LRRC9: variants seen among roughly 807,000 people sequenced by gnomAD.
LRRC9 encodes leucine-rich repeat-containing protein 9.
A neutral mutation model predicts 63.2 loss-of-function variants in LRRC9; 122 were observed. The ratio of observed to expected loss-of-function variants is 1.93; its 90% CI spans 1.67 to 2.24. The LOEUF is 2.24. Ranked by LOEUF, LRRC9 falls within the 30% of genes most tolerant of loss-of-function variation. The pLI is 0.00. For missense variants in LRRC9, 1,071 were observed against 627.7 expected (o/e 1.71, Z -7.55); for synonymous variants, 366 against 213.1 (o/e 1.72, Z -6.25).
intron 28 of LRRC9, among the ~76,000 whole-genome samples, chr14:60,030,839 A>T (rs1349088072): frequency 2.0e-5 from 3 of 152,074 alleles, no homozygotes; most frequent in Non-Finnish European, 4.4e-5. Flanking sequence ...GTAAAAAAAA[A>T]TGCTGCATAT....
At chr14:59,946,416 A>T (rs1037615171) in intron 8 of LRRC9, among the ~76,000 whole-genome samples, 1 of 151,436 alleles carries the variant, frequency 6.6e-6, no homozygotes, top group Non-Finnish European at 1.5e-5. Context: ...ATTAAGTAAA[A>T]TCTGCAAATG....
intron 30 of LRRC9, among the ~76,000 whole-genome samples, chr14:60,056,653 A>AT (rs879896592): frequency 2.0e-5 from 3 of 152,110 alleles, no homozygotes; most frequent in Non-Finnish European, 4.4e-5. Flanking sequence ...ATTAAATATT[A>AT]TTTTTTATCT....
At chr14:59,978,925 C>T (rs1374889671) in intron 15 of LRRC9, among the ~76,000 whole-genome samples, 1 of 152,074 alleles carries the variant, frequency 6.6e-6, no homozygotes, top group African/African-American at 2.4e-5. Context: ...TTACATTTGC[C>T]AACACAAGAT....
intron 12 of LRRC9, among the ~76,000 whole-genome samples, chr14:59,971,005 C>T (rs1174573800): frequency 8.5e-5 from 13 of 152,076 alleles, no homozygotes; most frequent in African/African-American, 2.7e-4. Context: ...CCCATTCCTA[C>T]GTCCAGAATG....
At chr14:59,934,723 C>T (rs1889991037) in intron 6 of LRRC9, among the ~76,000 whole-genome samples, 1 of 152,138 alleles carries the variant, frequency 6.6e-6, no homozygotes, top group Non-Finnish European at 1.5e-5. Flanking sequence ...AGATACTACA[C>T]TAAATCTTTA....
intron 17 of LRRC9, among the ~76,000 whole-genome samples, chr14:59,993,099 C>T (rs1168081960): frequency 2.0e-5 from 3 of 152,220 alleles, no homozygotes; most frequent in African/African-American, 7.2e-5. Flanking sequence ...ATCAGACTAA[C>T]AGCTGATCTC....
chr14:60,010,422 A>G (rs1441742374), intron 23 of LRRC9, among the ~76,000 whole-genome samples: 3 of 150,966 alleles, frequency 2.0e-5, no homozygotes, highest in Non-Finnish European at 4.4e-5. Flanking sequence ...CCAAGTCCCT[A>G]GGCTGCATAA....
intron 18 of LRRC9, 92 bp downstream of exon 18, chr14:59,997,939 G>A (rs1345898763): frequency 1.6e-5 from 9 of 564,206 alleles, no homozygotes; most frequent in South Asian, 9.8e-5. Flanking sequence ...GCCAGAGATA[G>A]GCAAAGTATC....
chr14:60,007,090 G>A (rs1252474219), intron 22 of LRRC9, among the ~76,000 whole-genome samples: 2 of 152,172 alleles, frequency 1.3e-5, no homozygotes, highest in Non-Finnish European at 1.5e-5. Context: ...AATGTCATGT[G>A]TGACTTCATT....
At chr14:59,933,921 CA>C (rs1889915638) in intron 6 of LRRC9, among the ~76,000 whole-genome samples, 1 of 151,972 alleles carries the variant, frequency 6.6e-6, no homozygotes, top group Non-Finnish European at 1.5e-5. Context: ...CTAGAAAGGT[CA>C]ATTGGGTCTC....
intron 13 of LRRC9, among the ~76,000 whole-genome samples, chr14:59,976,968 C>T (rs1198632417): frequency 6.6e-6 from 1 of 152,158 alleles, no homozygotes; most frequent in Admixed American, 6.5e-5. Flanking sequence ...CTTTCCTTCT[C>T]CCTCTTCTGT....
At chr14:59,993,389 A>C (rs142365648) in intron 17 of LRRC9, among the ~76,000 whole-genome samples, 3,149 of 152,326 alleles carry the variant, frequency 0.021, 136 homozygotes, top group African/African-American at 0.073. Context: ...CGAGGCTAGG[A>C]AGAAACTGCA....
chr14:59,942,367 A>G lies in LRRC9; in HGVS notation c.727-2222A>G, dbSNP rs1881869551. Among the ~76,000 whole-genome samples the G allele has an allele frequency of 6.6e-6, 1 of 152,172 alleles. No homozygotes were observed. The highest frequency in any genetic ancestry group is 2.1e-4 in the South Asian group (1 of 4,826). ...TGTTTTGGATAAATACCCAGGAGTG[A>G]GATTGCTGAATCCTATGGAAGTTCT... On this transcript the variant is annotated intron_variant, in intron 7 of 31. Transcript: ENST00000445360. This position sits in a 1 kb window ranked among gnomAD's most constrained non-coding sequence, Gnocchi z 5.3.
intron 19 of LRRC9, among the ~76,000 whole-genome samples, chr14:59,999,496 C>T (rs1202683436): frequency 1.3e-5 from 2 of 152,010 alleles, no homozygotes; most frequent in African/African-American, 4.8e-5. Flanking sequence ...CCTGAACTCA[C>T]CAGAGCCCTT....
intron 22 of LRRC9, among the ~76,000 whole-genome samples, chr14:60,007,687 G>A (rs1056511192): frequency 2.0e-5 from 3 of 152,092 alleles, no homozygotes; most frequent in Admixed American, 1.3e-4. Flanking sequence ...TTTGGCACTA[G>A]TATCCTAAAA....
In LRRC9 at chr14:59,931,067, A is replaced by G. The variant is rs1889662802; in HGVS notation, c.408+9A>G. ...CAATTAAAAATATTGAGGTAAGATA[A>G]TAATTTCAATTATCTATATGTAAAG... On this transcript the variant is annotated intron_variant, in intron 4 of 31. Coordinates refer to ENST00000445360, the Ensembl canonical transcript of LRRC9. 8.3e-6 allele frequency: 3 copies of G among 360,698 alleles called. No individual in the cohort carries two copies. The South Asian group carries it at 1.7e-4, about 21-fold the overall frequency. The allele number at this position is 360,698 out of a possible 1,614,324, so 22.3% of individuals were successfully genotyped here.
chr14:60,038,994 A>G (rs1308070974), intron 29 of LRRC9, among the ~76,000 whole-genome samples: 1 of 152,180 alleles, frequency 6.6e-6, no homozygotes, highest in East Asian at 1.9e-4. Flanking sequence ...ATTTTGTCGA[A>G]GGCCTTCTAT....
chr14:59,935,123 TAAAA>T (rs34044624), intron 6 of LRRC9, among the ~76,000 whole-genome samples: 1 of 117,458 alleles, frequency 8.5e-6, no homozygotes. Context: ...TTGTTTCTAC[TAAAA>T]AAAAAAAAAA....
chr14:60,061,586 G>C (rs1894661679), intron 31 of LRRC9, among the ~76,000 whole-genome samples: 2 of 152,100 alleles, frequency 1.3e-5, no homozygotes, highest in Admixed American at 1.3e-4. Context: ...TATTGCAATG[G>C]TCTGGGACCA....
Sources: gnomAD v4.1 joint callset for allele counts (sites outside exome capture counted in the v4.1 genomes callset) on GRCh38, gnomAD v4.1.1 for gene constraint, Gnocchi (gnomAD v3.1) non-coding constraint, MANE v1.5 for transcripts, NCBI Gene and HGNC (gene_info 2026-07-23, HGNC 2026-07-21) for gene names.